Variants in SDK1 observed in about 807,000 individuals in gnomAD.
SDK1 encodes the protein protein sidekick-1.
Under a neutral mutation model 245.5 loss-of-function variants are expected in SDK1, and 157 were observed. That is an observed-to-expected ratio of 0.64 (90% confidence interval 0.56 to 0.73). The LOEUF is 0.73. Among genes scored for constraint, SDK1 ranks in the 30% least tolerant of loss-of-function variants. The probability of loss-of-function intolerance (pLI) is 0.00; values close to 1 mark genes in which losing one functional copy is unlikely to be tolerated. For missense variants in SDK1, 3,583 were observed against 3,002.3 expected, an observed-to-expected ratio of 1.19 and a Z score of -4.52; for synonymous variants, 1,647 against 1,278.5, an observed-to-expected ratio of 1.29 and a Z score of -6.15.
intron 30 of SDK1, among the ~76,000 whole-genome samples, chr7:4,151,208 C>G (rs1438682528): frequency 3.9e-5 from 6 of 152,188 alleles, no homozygotes; most frequent in Non-Finnish European, 7.3e-5. Flanking sequence ...TCCCAGGCCC[C>G]CATTGGAGAC....
rs940055596 is a variant in SDK1 at position 4,026,018 on chromosome 7, G to A, written c.2602+8666G>A. Among the ~76,000 whole-genome samples, 1 of 152,226 alleles carries A rather than the reference G, an allele frequency of 6.6e-6. No individual in the cohort carries two copies. The highest frequency in any genetic ancestry group is 6.5e-5 in the Admixed American group (1 of 15,278). On this transcript the variant is annotated intron_variant, in intron 17 of 44. Coordinates refer to ENST00000404826, the MANE Select transcript of SDK1 (RefSeq NM_152744.4). This position sits in a 1 kb window ranked among gnomAD's most constrained non-coding sequence, Gnocchi z 4.1. ...TGAATCCGGGACTGCAGCCCAGAAG[G>A]CGCATGGGGAAATTAGGTCCACGAA... is the stretch of plus-strand genomic sequence containing the variant.
At chr7:3,611,167 G>A (rs1297352794) in intron 1 of SDK1, among the ~76,000 whole-genome samples, 1 of 152,158 alleles carries the variant, frequency 6.6e-6, no homozygotes, top group East Asian at 1.9e-4. Context: ...TAGATTGACA[G>A]AAGATGATGG....
At chr7:3,592,564 A>G (rs886915929) in intron 1 of SDK1, among the ~76,000 whole-genome samples, 10 of 152,006 alleles carry the variant, frequency 6.6e-5, no homozygotes, top group Admixed American at 2.6e-4. Context: ...AGTGAAGGTT[A>G]TTTATTTATT....
At chr7:3,643,849 G>A (rs1343143905) in intron 4 of SDK1, 1 of 150,286 alleles carries the variant, frequency 6.7e-6, no homozygotes, top group Non-Finnish European at 1.5e-5. Flanking sequence ...GATCTGGCTG[G>A]AACCTAAATA....
chr7:4,133,423 G>A (rs1240225854), intron 28 of SDK1, among the ~76,000 whole-genome samples: 1 of 152,216 alleles, frequency 6.6e-6, no homozygotes, highest in Non-Finnish European at 1.5e-5. Flanking sequence ...GTTGCCCACA[G>A]TCCCGTAAGG....
At chr7:3,832,457 A>G (rs551121181) in intron 5 of SDK1, among the ~76,000 whole-genome samples, 1 of 152,204 alleles carries the variant, frequency 6.6e-6, no homozygotes, top group Non-Finnish European at 1.5e-5. Context: ...GCTCTTGTAG[A>G]AGGCAATTAC....
chr7:3,978,933 A>G lies in SDK1; in HGVS notation c.1994+4388A>G, dbSNP rs762247120. 2.6e-5 allele frequency among the ~76,000 whole-genome samples: 4 copies of G among 152,182 alleles called. No homozygotes were observed. The South Asian group carries it at 6.2e-4, about 24-fold the overall frequency. ...GAAGTGAGCTTTTCAAAAATAGACC[A>G]GCCGTTGGCCTCTTCTCACGTCTGT... On this transcript the variant is annotated intron_variant, in intron 13 of 44. Coordinates refer to ENST00000404826, the MANE Select transcript of SDK1 (RefSeq NM_152744.4).
intron 1 of SDK1, among the ~76,000 whole-genome samples, chr7:3,447,407 C>G (rs1780372202): frequency 6.7e-6 from 1 of 149,342 alleles, no homozygotes; most frequent in South Asian, 2.1e-4. Flanking sequence ...TCCCCATGCT[C>G]AAACAAGTAC....
At chr7:4,004,195 C>G (rs959105793) in intron 14 of SDK1, among the ~76,000 whole-genome samples, 3 of 152,200 alleles carry the variant, frequency 2.0e-5, no homozygotes, top group Admixed American at 6.5e-5. Flanking sequence ...AGGCACTCTT[C>G]TAGTTGCTGA....
intron 20 of SDK1, among the ~76,000 whole-genome samples, chr7:4,074,055 C>T (rs1471035105): frequency 6.6e-6 from 1 of 152,122 alleles, no homozygotes; most frequent in African/African-American, 2.4e-5. Context: ...TGTCCTGTTG[C>T]ATTTTGTTGC....
At chr7:3,648,243 G>A (rs1562629147) in intron 4 of SDK1, among the ~76,000 whole-genome samples, 1 of 152,004 alleles carries the variant, frequency 6.6e-6, no homozygotes, top group African/African-American at 2.4e-5. Flanking sequence ...TTTCCTCCAC[G>A]ACGTTATTTA....
intron 32 of SDK1, among the ~76,000 whole-genome samples, chr7:4,165,551 A>T (rs893876903): frequency 2.7e-5 from 4 of 150,766 alleles, no homozygotes; most frequent in African/African-American, 9.8e-5. Flanking sequence ...GTGCAGTGGT[A>T]CGATCTCGGC....
chr7:3,990,917 G>C (rs1015708292), intron 14 of SDK1, among the ~76,000 whole-genome samples: 2 of 152,230 alleles, frequency 1.3e-5, no homozygotes, highest in Non-Finnish European at 2.9e-5. Context: ...TCCATGAGAA[G>C]CAGGTTTCGT....
At chr7:4,000,603 G>A (rs1785003089) in intron 14 of SDK1, among the ~76,000 whole-genome samples, 1 of 152,220 alleles carries the variant, frequency 6.6e-6, no homozygotes, top group Admixed American at 6.5e-5. Flanking sequence ...GCTCCTGGCT[G>A]TCACCGCACA....
intron 1 of SDK1, among the ~76,000 whole-genome samples, chr7:3,475,486 A>G (rs1356517722): frequency 1.3e-5 from 2 of 152,186 alleles, no homozygotes; most frequent in African/African-American, 4.8e-5. Flanking sequence ...TTTCGCAAAA[A>G]TCAAGCAGGA....
At chr7:4,193,415 A>G (rs1205139042) in intron 35 of SDK1, among the ~76,000 whole-genome samples, 2 of 141,520 alleles carry the variant, frequency 1.4e-5, no homozygotes, top group East Asian at 4.0e-4. Flanking sequence ...AGTTTATTAA[A>G]TATTAAGTTA....
intron 4 of SDK1, among the ~76,000 whole-genome samples, chr7:3,656,545 G>C (rs1046225179): frequency 1.3e-5 from 2 of 152,058 alleles, no homozygotes; most frequent in Non-Finnish European, 2.9e-5. Flanking sequence ...TTGTAATGCT[G>C]TTTAATTCAT....
At chr7:4,043,449 C>G (rs1788791121) in intron 17 of SDK1, among the ~76,000 whole-genome samples, 1 of 151,510 alleles carries the variant, frequency 6.6e-6, no homozygotes, top group Non-Finnish European at 1.5e-5. Flanking sequence ...CAGCCAGGGC[C>G]TCAGGTAGAA....
chr7:3,466,104 A>G (rs1271796884), intron 1 of SDK1, among the ~76,000 whole-genome samples: 1 of 152,000 alleles, frequency 6.6e-6, no homozygotes. Flanking sequence ...TGCCTTGACT[A>G]CTACCATGTG....
Sources: gnomAD v4.1 joint callset for allele counts (sites outside exome capture counted in the v4.1 genomes callset) on GRCh38, gnomAD v4.1.1 for gene constraint, Gnocchi (gnomAD v3.1) non-coding constraint, MANE v1.5 for transcripts, NCBI Gene and HGNC (gene_info 2026-07-23, HGNC 2026-07-21) for gene names.